Variants in INPP4B observed in about 807,000 individuals in gnomAD.
INPP4B encodes inositol polyphosphate-4-phosphatase type II B, also known as inositol polyphosphate 4-phosphatase type II.
Under a neutral mutation model 122.5 loss-of-function variants are expected in INPP4B, and 55 were observed. That is an observed-to-expected ratio of 0.45 (90% CI 0.36 to 0.56). The LOEUF is 0.56. Ranked by LOEUF, INPP4B falls within the 20% of genes least tolerant of loss-of-function variation. The pLI is 0.00. For missense variants in INPP4B, 1,000 were observed against 1,097.7 expected (o/e 0.91, Z 1.26); for synonymous variants, 403 against 388.7 (o/e 1.04, Z -0.43).
intron 2 of INPP4B, among the ~76,000 whole-genome samples, chr4:142,632,614 TA>T (rs1453573768): frequency 6.6e-6 from 1 of 152,036 alleles, no homozygotes; most frequent in African/African-American, 2.4e-5. Flanking sequence ...ATCAATGCTA[TA>T]AAATACAAAT....
At chr4:142,274,425 G>A (rs932496259) in intron 9 of INPP4B, among the ~76,000 whole-genome samples, 1 of 151,678 alleles carries the variant, frequency 6.6e-6, no homozygotes, top group African/African-American at 2.4e-5. Flanking sequence ...TTTCATCATA[G>A]GGCATCACAG....
chr4:142,555,662 A>G (rs536459002), intron 2 of INPP4B, among the ~76,000 whole-genome samples: 2 of 152,080 alleles, frequency 1.3e-5, no homozygotes, highest in South Asian at 2.1e-4. Context: ...AGATTAGGAG[A>G]TTGAGATCAT....
At chr4:142,815,679 A>G (rs1233969865) in intron 1 of INPP4B, among the ~76,000 whole-genome samples, 2 of 152,136 alleles carry the variant, frequency 1.3e-5, no homozygotes, top group Non-Finnish European at 2.9e-5. Context: ...ATATAAGTAA[A>G]GCTTAACAAA....
intron 2 of INPP4B, among the ~76,000 whole-genome samples, chr4:142,701,671 C>A (rs919379882): frequency 6.6e-6 from 1 of 152,004 alleles, no homozygotes; most frequent in Non-Finnish European, 1.5e-5. Context: ...CCTTCCTGAA[C>A]CATTGCTTAT....
chr4:142,308,797 T>C (rs898698757), intron 8 of INPP4B, among the ~76,000 whole-genome samples: 4 of 152,076 alleles, frequency 2.6e-5, no homozygotes, highest in African/African-American at 9.7e-5. Flanking sequence ...GCTGTTTCTA[T>C]CAGGGGAAAA....
At chr4:142,223,230 T>C (rs985587948) in intron 12 of INPP4B, among the ~76,000 whole-genome samples, 1 of 151,896 alleles carries the variant, frequency 6.6e-6, no homozygotes, top group Non-Finnish European at 1.5e-5. Flanking sequence ...ACACACACTA[T>C]AGTCATAAGT....
intron 1 of INPP4B, among the ~76,000 whole-genome samples, chr4:142,801,139 CA>C (rs1418256295): frequency 6.6e-6 from 1 of 151,744 alleles, no homozygotes; most frequent in African/African-American, 2.4e-5. Flanking sequence ...AGGATAGTTG[CA>C]AAATAAGGAA....
At chr4:142,558,778 G>C (rs1233690454) in intron 2 of INPP4B, among the ~76,000 whole-genome samples, 2 of 110,796 alleles carry the variant, frequency 1.8e-5, no homozygotes, top group Non-Finnish European at 3.4e-5. Flanking sequence ...CTGGGCGACA[G>C]AGCAAGACTC....
chr4:142,191,156 C>T (rs1249587277), intron 15 of INPP4B, among the ~76,000 whole-genome samples: 1 of 152,134 alleles, frequency 6.6e-6, no homozygotes, highest in Non-Finnish European at 1.5e-5. Flanking sequence ...TCAAAAGACT[C>T]TAAAAGGTAG....
At chr4:142,603,328 C>A (rs908052946) in intron 2 of INPP4B, among the ~76,000 whole-genome samples, 1 of 151,738 alleles carries the variant, frequency 6.6e-6, no homozygotes, top group Non-Finnish European at 1.5e-5. Context: ...ACCACCATGG[C>A]ACACATTTAC....
intron 5 of INPP4B, among the ~76,000 whole-genome samples, chr4:142,413,085 T>C (rs1804944385): frequency 6.6e-6 from 1 of 152,184 alleles, no homozygotes; most frequent in Non-Finnish European, 1.5e-5. Context: ...GGACCATGCA[T>C]CGCTGCCAAC....
At position 142,839,421 on chromosome 4, in the gene INPP4B, A is replaced by G. The variant is rs145666215; in HGVS notation, c.-254+6788T>C. ...TGCACTCCAGCCTGAGCGACAGAGCAAGACTCCATCTCAACAACAACAACA... is the reference window on the plus strand; with the variant it reads ...TGCACTCCAGCCTGAGCGACAGAGCGAGACTCCATCTCAACAACAACAACA... On this transcript the variant is annotated intron_variant, in intron 1 of 25. Coordinates refer to ENST00000262992, the MANE Select transcript of INPP4B (RefSeq NM_001101669.3). Among the ~76,000 whole-genome samples, 311 of 152,204 alleles carry G rather than the reference A, an allele frequency of 2.0e-3. 1 individual carries two copies. The highest frequency in any genetic ancestry group is 7.4e-3 in the African/African-American group (306 of 41,504).
intron 25 of INPP4B, among the ~76,000 whole-genome samples, chr4:142,033,828 C>G (rs114015086): frequency 0.028 from 1,865 of 65,810 alleles, 47 homozygotes; most frequent in African/African-American, 0.073. Context: ...ACATGCGCAG[C>G]TAATTTTTGT....
chr4:142,355,294 T>C (rs1783215302), intron 7 of INPP4B, among the ~76,000 whole-genome samples: 1 of 151,990 alleles, frequency 6.6e-6, no homozygotes, highest in Non-Finnish European at 1.5e-5. Flanking sequence ...GAATCTGTGG[T>C]CGTATTTAAT....
chr4:142,233,015 A>G lies in INPP4B; in HGVS notation c.836+4849T>C, dbSNP rs560204339. 5.9e-5 allele frequency among the ~76,000 whole-genome samples: 9 copies of G among 152,302 alleles called. No individual in the cohort carries two copies. The East Asian group carries it at 1.7e-3, about 29-fold the overall frequency. On this transcript the variant is annotated intron_variant, in intron 12 of 25. Transcript: ENST00000262992. The stretch of plus-strand genomic sequence containing the variant: ...TGACAGACATTGGTTCATGAAGTTT[A>G]AGGAAAGAAGCCCTCCTCATAACAT...
At chr4:142,109,514 T>C (rs1788926552) in intron 22 of INPP4B, among the ~76,000 whole-genome samples, 1 of 152,176 alleles carries the variant, frequency 6.6e-6, no homozygotes, top group Admixed American at 6.6e-5. Flanking sequence ...CCAAAACCTC[T>C]TGTGGGAATG....
chr4:142,650,726 C>A (rs1752765999), intron 2 of INPP4B, among the ~76,000 whole-genome samples: 1 of 152,064 alleles, frequency 6.6e-6, no homozygotes, highest in South Asian at 2.1e-4. Flanking sequence ...TAAAGCAAGT[C>A]CTTAGAGATC....
chr4:142,173,745 T>C lies in INPP4B; in HGVS notation c.1246A>G (p.Asn416Asp). 1 of 1,613,382 alleles carries C rather than the reference T, an allele frequency of 6.2e-7. No homozygotes were observed. Among genetic ancestry groups the C allele is most frequent in the Non-Finnish European group, 8.5e-7 (1 of 1,179,508 alleles). ...ATAAGAGGTTGTAGTTGATTGATGT[T>C]GCTGAGAACTTCCTTTGCTTTGGCT... The part of the protein sequence containing the change: ...NTAKAKEVLS[N>D]INQLQPLIAT... The change falls in exon 16 of 26, where the codon AAC becomes GAC. Residue 416 changes from asparagine to aspartate, a missense_variant. Coordinates refer to ENST00000262992, the MANE Select transcript of INPP4B (RefSeq NM_001101669.3).
chr4:142,297,503 C>A, intron 9 of INPP4B, among the ~76,000 whole-genome samples: 1 of 152,170 alleles, frequency 6.6e-6, no homozygotes, highest in East Asian at 1.9e-4. Context: ...CTTGCAAGAT[C>A]TGGTTGATTC....
Sources: allele counts gnomAD v4.1 joint callset (sites outside exome capture counted in the v4.1 genomes callset), GRCh38; gene constraint gnomAD v4.1.1; transcripts MANE v1.5; gene names NCBI Gene and HGNC (gene_info 2026-07-23, HGNC 2026-07-21).